PRELID2: variants seen among roughly 807,000 people sequenced by gnomAD.
The protein encoded by PRELID2 is PRELI domain-containing protein 2.
In PRELID2, 25 loss-of-function variants were observed where a neutral mutation model predicts 28.4. The ratio of observed to expected loss-of-function variants is 0.88; its 90% confidence interval spans 0.64 to 1.23. The LOEUF is 1.23. PRELID2 is among the 50% of genes most tolerant of loss of function. PRELID2 has a pLI of 0.00. For synonymous variants in PRELID2, 76 were observed against 71.6 expected (o/e 1.06, Z -0.31); for missense variants, 201 against 214.4 (o/e 0.94, Z 0.39).
At chr5:145,530,307 T>C (rs1355278555) in intron 1 of PRELID2, among the ~76,000 whole-genome samples, 1 of 152,120 alleles carries the variant, frequency 6.6e-6, no homozygotes, top group Non-Finnish European at 1.5e-5. Flanking sequence ...AATACAACTT[T>C]TGACCTTATG....
intron 1 of PRELID2, among the ~76,000 whole-genome samples, chr5:145,699,388 C>T (rs1307750146): frequency 1.3e-5 from 2 of 152,102 alleles, no homozygotes; most frequent in Non-Finnish European, 2.9e-5. Context: ...TCTGTACACA[C>T]ACACATCACA....
intron 1 of PRELID2, among the ~76,000 whole-genome samples, chr5:145,490,794 C>T (rs1752262327): frequency 6.6e-6 from 1 of 152,084 alleles, no homozygotes; most frequent in African/African-American, 2.4e-5. Flanking sequence ...CTCTTGAAAA[C>T]AGAAAGATCT....
intron 1 of PRELID2, among the ~76,000 whole-genome samples, chr5:145,555,941 A>C (rs1002124152): frequency 6.6e-6 from 1 of 152,060 alleles, no homozygotes; most frequent in Non-Finnish European, 1.5e-5. Flanking sequence ...TAATCATAGA[A>C]CTTTGGGAAG....
At chr5:145,497,271 T>A (rs1752317505) in intron 1 of PRELID2, among the ~76,000 whole-genome samples, 1 of 152,196 alleles carries the variant, frequency 6.6e-6, no homozygotes, top group Non-Finnish European at 1.5e-5. Context: ...TATTGCTGGG[T>A]CATGATCTTT....
chr5:145,733,364 T>A (rs1259915511), intron 1 of PRELID2, among the ~76,000 whole-genome samples: 1 of 152,200 alleles, frequency 6.6e-6, no homozygotes, highest in Non-Finnish European at 1.5e-5. Context: ...GGGATGGGAA[T>A]GGATGTGGGT....
chr5:145,605,760 T>A (rs1039720671), intron 1 of PRELID2, among the ~76,000 whole-genome samples: 1 of 151,934 alleles, frequency 6.6e-6, no homozygotes, highest in African/African-American at 2.4e-5. Flanking sequence ...ATATAATTTA[T>A]ATATATAAAT....
At chr5:145,781,056 C>A (rs6580387) in intron 5 of PRELID2, among the ~76,000 whole-genome samples, 15,056 of 152,226 alleles carry the variant, frequency 0.099, 1,765 homozygotes, top group African/African-American at 0.28. Flanking sequence ...AACAGGCAGA[C>A]ACTGCAGCCT....
the PRELID2 span, among the ~76,000 whole-genome samples, chr5:145,256,872 A>G: frequency 0.012 from 1,882 of 152,048 alleles, 67 homozygotes; most frequent in African/African-American, 0.042. Context: ...ACAAACTAGA[A>G]TTGAATTTTA....
chr5:145,241,034 A>G, the PRELID2 span, among the ~76,000 whole-genome samples: 1 of 152,108 alleles, frequency 6.6e-6, no homozygotes, highest in Non-Finnish European at 1.5e-5. Flanking sequence ...GGAATATGAT[A>G]TAATTAAAGT....
At chr5:145,296,335 T>TC in the PRELID2 span, among the ~76,000 whole-genome samples, 1 of 142,478 alleles carries the variant, frequency 7.0e-6, no homozygotes, top group African/African-American at 2.6e-5. Flanking sequence ...AAGCTATCCT[T>TC]CCCCCCTCCC....
the PRELID2 span, among the ~76,000 whole-genome samples, chr5:145,340,781 A>G: frequency 7.2e-6 from 1 of 139,194 alleles, no homozygotes. Flanking sequence ...ATATATATAT[A>G]TATATATATA....
chr5:145,608,845 C>T (rs891547180), intron 1 of PRELID2, among the ~76,000 whole-genome samples: 1 of 152,174 alleles, frequency 6.6e-6, no homozygotes, highest in Non-Finnish European at 1.5e-5. Flanking sequence ...TTTCAAATTG[C>T]TTGATTTCTC....
intron 1 of PRELID2, among the ~76,000 whole-genome samples, chr5:145,662,810 T>A (rs1050380150): frequency 6.6e-5 from 10 of 152,056 alleles, no homozygotes; most frequent in African/African-American, 2.4e-4. Flanking sequence ...ATGCGGCCCC[T>A]CACCCTTTGA....
intron 1 of PRELID2, among the ~76,000 whole-genome samples, chr5:145,511,256 G>T (rs538972452): frequency 6.6e-6 from 1 of 152,294 alleles, no homozygotes; most frequent in Admixed American, 6.5e-5. Context: ...CTTTAATTGA[G>T]ACCTACAAAG....
chr5:145,469,959 CA>C (rs535226348), downstream of PRELID2, among the ~76,000 whole-genome samples: 712 of 152,186 alleles, frequency 4.7e-3, 2 homozygotes, highest in Non-Finnish European at 7.5e-3. Context: ...CAGATATATT[CA>C]CATATATATT....
At chr5:145,735,311 T>C (rs970763242) in intron 1 of PRELID2, among the ~76,000 whole-genome samples, 4 of 150,650 alleles carry the variant, frequency 2.7e-5, no homozygotes, top group African/African-American at 7.3e-5. Context: ...GTAGTCAAGA[T>C]CACAGCAAGA....
At chr5:145,649,606 C>T (rs1046889477) in intron 1 of PRELID2, among the ~76,000 whole-genome samples, 2 of 152,182 alleles carry the variant, frequency 1.3e-5, no homozygotes, top group African/African-American at 2.4e-5. Context: ...CCTTTTCTTT[C>T]TCCACACTTG....
At chr5:145,702,014 G>A (rs935798003) in intron 1 of PRELID2, among the ~76,000 whole-genome samples, 1 of 151,814 alleles carries the variant, frequency 6.6e-6, no homozygotes, top group African/African-American at 2.4e-5. Context: ...TCATGCCATT[G>A]CACTCCAGTC....
At chr5:145,501,884 G>C (rs12657549) in intron 1 of PRELID2, among the ~76,000 whole-genome samples, 30,994 of 152,040 alleles carry the variant, frequency 0.2, 3,646 homozygotes, top group South Asian at 0.36. Flanking sequence ...TTCACCTCCA[G>C]AGTGATGCTA....
Sources: gnomAD v4.1 joint callset for allele counts (sites outside exome capture counted in the v4.1 genomes callset) on GRCh38, gnomAD v4.1.1 for gene constraint, MANE v1.5 for transcripts, NCBI Gene and HGNC (gene_info 2026-07-23, HGNC 2026-07-21) for gene names.